The following MUC22 variants were observed in gnomAD, a reference collection of about 807,000 sequenced individuals.
MUC22 encodes mucin 22.
Under a neutral mutation model 40.3 loss-of-function variants are expected in MUC22, and 24 were observed. The ratio of observed to expected loss-of-function variants is 0.60; its 90% CI spans 0.43 to 0.84. The LOEUF is 0.84. Ranked by LOEUF, MUC22 falls within the 40% of genes least tolerant of loss-of-function variation. The pLI, the probability that MUC22 is intolerant of heterozygous loss-of-function variation, is 0.00. For synonymous variants in MUC22, 765 were observed against 844.5 expected, an observed-to-expected ratio of 0.91 and a Z score of 1.63; for missense variants, 1,926 against 2,130.7, an observed-to-expected ratio of 0.90 and a Z score of 1.89.
chr6:31,013,816 A>T (rs1028999121), intron 1 of MUC22, among the ~76,000 whole-genome samples: 1 of 152,134 alleles, frequency 6.6e-6, no homozygotes, highest in African/African-American at 2.4e-5. Context: ...GGCGTGAGCC[A>T]TTGCACCCGG....
chr6:31,029,647 A>T, exon 2 of MUC22: 2 of 1,535,454 alleles, frequency 1.3e-6, no homozygotes, highest in Non-Finnish European at 1.7e-6. Flanking sequence ...CTCTGAGACC[A>T]CCACAGTCTC....
upstream of MUC22, among the ~76,000 whole-genome samples, chr6:31,007,627 G>T (rs1017709033): frequency 2.0e-5 from 3 of 152,170 alleles, no homozygotes; most frequent in Non-Finnish European, 2.9e-5. This position sits in a 1 kb window ranked among gnomAD's most constrained non-coding sequence, Gnocchi z 4.0. Context: ...TGGAACACAG[G>T]CCTTTCCTAA....
At chr6:31,033,330 AAGAG>A (rs972763316) in intron 3 of MUC22, among the ~76,000 whole-genome samples, 20 of 152,012 alleles carry the variant, frequency 1.3e-4, no homozygotes, top group African/African-American at 3.9e-4. Flanking sequence ...GAAGGAAAGA[AAGAG>A]AGAGAGAAAT....
chr6:31,006,919 C>T (rs1339453239), upstream of MUC22, among the ~76,000 whole-genome samples: 4 of 151,954 alleles, frequency 2.6e-5, no homozygotes, highest in East Asian at 1.9e-4. Context: ...GAGGCTGAGG[C>T]GGGAGGATTG....
chr6:31,026,525 A>T (rs968561742), exon 2 of MUC22: 2 of 1,501,552 alleles, frequency 1.3e-6, no homozygotes, highest in African/African-American at 2.8e-5. Flanking sequence ...ACAGGCACTG[A>T]GACCACCATG....
chr6:31,006,219 T>C (rs976289655), upstream of MUC22: 2 of 309,594 alleles, frequency 6.5e-6, no homozygotes, highest in Non-Finnish European at 1.3e-5. Context: ...AAAAAGTTAC[T>C]GGGGGCTATA....
chr6:31,015,744 A>G (rs991415810), intron 1 of MUC22, among the ~76,000 whole-genome samples: 2 of 152,220 alleles, frequency 1.3e-5, no homozygotes, highest in South Asian at 4.1e-4. Context: ...AGGATTTCAG[A>G]TTTTTAAAAC....
At chr6:31,018,334 A>G (rs1322210375) in intron 1 of MUC22, among the ~76,000 whole-genome samples, 1 of 152,208 alleles carries the variant, frequency 6.6e-6, no homozygotes, top group Non-Finnish European at 1.5e-5. Flanking sequence ...TCCTTCCTGT[A>G]TTTAGTCACA....
At chr6:31,008,537 GTTTTCT>G (rs1028060776), upstream of MUC22, among the ~76,000 whole-genome samples, 24 of 149,316 alleles carry the variant, frequency 1.6e-4, no homozygotes, top group African/African-American at 4.9e-4. Flanking sequence ...CTGAAACATT[GTTTTCT>G]TTTTCTTTCT....
At chr6:31,021,183 C>G (rs1359606925) in intron 1 of MUC22, among the ~76,000 whole-genome samples, 1 of 152,242 alleles carries the variant, frequency 6.6e-6, no homozygotes, top group Non-Finnish European at 1.5e-5. Context: ...CAGCTGGGCT[C>G]CTGAGTCTGG....
Position 31,024,963 on chromosome 6 carries a change from C to T in MUC22, c.71-539C>T, listed in dbSNP as rs762329286. Among the ~76,000 whole-genome samples, 8 of 151,588 alleles carry T rather than the reference C, an allele frequency of 5.3e-5. No individual in the cohort carries two copies. In the East Asian group the frequency reaches 5.8e-4, roughly 11 times the overall value. On this transcript the variant is annotated intron_variant, in intron 1 of 3. Coordinates refer to ENST00000561890, the Ensembl canonical transcript of MUC22. ...TTGGCTCACTGCAACCTCCGCCTTC[C>T]GGTTCAAGTGATTCTCCTGCCTCAG...
At chr6:31,012,696 C>G (rs1360582864) in intron 1 of MUC22, among the ~76,000 whole-genome samples, 1 of 152,184 alleles carries the variant, frequency 6.6e-6, no homozygotes, top group Non-Finnish European at 1.5e-5. Context: ...TCTTTTCCTA[C>G]CACTAGATCT....
At chr6:31,027,829 A>G in exon 2 of MUC22, 2 of 1,534,610 alleles carry the variant, frequency 1.3e-6, no homozygotes, top group Non-Finnish European at 1.7e-6. Context: ...TACAGTTTCC[A>G]CCACAGGCTT....
In MUC22 at chr6:31,032,339, G is replaced by A. The variant is rs1562624865; in HGVS notation, c.4813G>A (p.Ala1605Thr). Residue 1605 changes from alanine (A) to threonine (T), a missense_variant, in exon 3 of 4, where the codon GCA becomes ACA. This residue lies in a region of MUC22 where 610 missense variants were observed against 714.6 expected (regional missense o/e 0.85). Transcript: ENST00000561890. The surrounding 1 kb of genome is among the most constrained non-coding windows in gnomAD (Gnocchi z 4.1). The stretch of plus-strand genomic sequence containing the variant: ...TGGCCTGGGTACATCCACTATGGGA[G>A]CATCATCTACCACCTCAGCCCACGG... 6.5e-7 allele frequency: 1 copy of A among 1,535,638 alleles called. No homozygotes were observed. Among genetic ancestry groups the A allele is most frequent in the Non-Finnish European group, 8.7e-7 (1 of 1,146,900 alleles).
upstream of MUC22, among the ~76,000 whole-genome samples, chr6:31,009,768 C>T (rs981613455): frequency 3.9e-5 from 6 of 152,186 alleles, no homozygotes; most frequent in African/African-American, 1.4e-4. Flanking sequence ...AAATTTCAAT[C>T]AACTGCTAGT....
At chr6:31,021,858 A>G (rs571246238) in intron 1 of MUC22, among the ~76,000 whole-genome samples, 4 of 151,976 alleles carry the variant, frequency 2.6e-5, no homozygotes, top group South Asian at 2.1e-4. Flanking sequence ...CGTTTTCCAC[A>G]CTGTGGAAAC....
exon 2 of MUC22, chr6:31,027,685 G>A: frequency 6.5e-7 from 1 of 1,532,288 alleles, no homozygotes; most frequent in South Asian, 1.2e-5. Context: ...CTTTACCATA[G>A]GCTCTGACAC....
chr6:31,027,737 C>G, exon 2 of MUC22: 1 of 1,530,876 alleles, frequency 6.5e-7, no homozygotes, highest in South Asian at 1.2e-5. Context: ...ACTGCAGTCT[C>G]TGCCACAGGC....
At chr6:31,015,475 G>T (rs1764128317) in intron 1 of MUC22, among the ~76,000 whole-genome samples, 1 of 152,168 alleles carries the variant, frequency 6.6e-6, no homozygotes, top group Admixed American at 6.5e-5. Flanking sequence ...CTACAAGAGA[G>T]GTTGACAAAT....
Sources: allele counts gnomAD v4.1 joint callset (sites outside exome capture counted in the v4.1 genomes callset), GRCh38; gene constraint gnomAD v4.1.1; regional missense constraint gnomAD v4.1.1; non-coding constraint Gnocchi (gnomAD v3.1); transcripts MANE v1.5; gene names NCBI Gene and HGNC (gene_info 2026-07-23, HGNC 2026-07-21).